The following ANXA9 variants were observed in gnomAD, a reference collection of about 807,000 sequenced individuals.
ANXA9 encodes the protein annexin 31.
A neutral mutation model predicts 51.8 loss-of-function variants in ANXA9; 47 were observed. The ratio of observed to expected loss-of-function variants is 0.91; its 90% CI spans 0.72 to 1.16. The LOEUF (loss-of-function observed/expected upper bound fraction) is 1.16, where lower values mean the gene tolerates loss of function less well. Ranked by LOEUF, ANXA9 falls within the 50% of genes most tolerant of loss-of-function variation. The pLI is 0.00. For missense variants in ANXA9, 361 were observed against 424.7 expected (o/e 0.85, Z 1.32); for synonymous variants, 154 against 168.7 (o/e 0.91, Z 0.68).
At chr1:150,992,950 C>T (rs79691949) in intron 12 of ANXA9, among the ~76,000 whole-genome samples, 1,701 of 152,248 alleles carry the variant, frequency 0.011, 21 homozygotes, top group African/African-American at 0.039. Context: ...ACTAATGATG[C>T]ATAAAAGTTA....
intron 9 of ANXA9, among the ~76,000 whole-genome samples, chr1:150,987,057 TA>T (rs1249470857): frequency 6.6e-6 from 1 of 151,770 alleles, no homozygotes; most frequent in East Asian, 1.9e-4. Flanking sequence ...AAACATAAGA[TA>T]AAAAAACATA....
intron 1 of ANXA9, 23 bp from the exon 2 acceptor site, chr1:150,982,464 G>C (rs1671432082): frequency 6.6e-6 from 1 of 152,344 alleles, no homozygotes; most frequent in Non-Finnish European, 1.5e-5. Flanking sequence ...TTTCCAACAT[G>C]AGAGTGCCTC....
At chr1:150,988,972 A>G (rs1308781118) in intron 12 of ANXA9, among the ~76,000 whole-genome samples, 1 of 145,710 alleles carries the variant, frequency 6.9e-6, no homozygotes, top group Non-Finnish European at 1.5e-5. Context: ...CATTATCCAT[A>G]CTTTTTTTTT....
chr1:150,990,583 A>G (rs1023192479), intron 12 of ANXA9, among the ~76,000 whole-genome samples: 7 of 152,206 alleles, frequency 4.6e-5, no homozygotes, highest in African/African-American at 1.7e-4. Flanking sequence ...GCTGTGGCGC[A>G]TGCCTGTAAT....
rs140995793 is a variant in ANXA9, at chr1:150,994,635, A to G, written c.911A>G (p.Asp304Gly). The G allele has an allele frequency of 8.5e-5, 138 of 1,614,062 alleles. 1 individual carries two copies. In the African/African-American group the frequency reaches 1.6e-3, roughly 19 times the overall value. ...IRILISRCET[D>G]LLSIRAEFRK... Reference sequence around the variant, plus strand: ...ATCCTTATCTCTCGATGTGAGACTGACCTTCTGAGTATCAGAGCTGAGTTC... The same window carrying G: ...ATCCTTATCTCTCGATGTGAGACTGGCCTTCTGAGTATCAGAGCTGAGTTC... The change falls in exon 13 of 14, where the codon GAC (aspartate) becomes GGC (glycine). Residue 304 changes from aspartate to glycine, a missense_variant. Coordinates refer to ENST00000368947, the MANE Select transcript of ANXA9 (RefSeq NM_003568.3).
chr1:150,990,920 G>A (rs587690627), intron 12 of ANXA9, among the ~76,000 whole-genome samples: 22 of 152,100 alleles, frequency 1.4e-4, no homozygotes, highest in African/African-American at 4.1e-4. Flanking sequence ...CAAGGCGGGC[G>A]GATCACGAGG....
At chr1:150,988,006 G>A (rs1047949180) in intron 10 of ANXA9, 50 bp downstream of exon 10, 1 of 1,613,624 alleles carries the variant, frequency 6.2e-7, no homozygotes, top group African/African-American at 1.3e-5. Flanking sequence ...GATCAGTTTG[G>A]GCTGAGGAAG....
At chr1:150,992,773 A>T (rs1671737660) in intron 12 of ANXA9, among the ~76,000 whole-genome samples, 1 of 152,202 alleles carries the variant, frequency 6.6e-6, no homozygotes, top group Non-Finnish European at 1.5e-5. Flanking sequence ...ACGCCACTGC[A>T]TTCCACTCTG....
upstream of ANXA9, among the ~76,000 whole-genome samples, chr1:150,977,851 A>G (rs879629912): frequency 6.6e-6 from 1 of 152,248 alleles, no homozygotes; most frequent in Non-Finnish European, 1.5e-5. Context: ...AAAGCAATGT[A>G]GGGACCAGGC....
chr1:150,986,744 C>T (rs1048616578), intron 9 of ANXA9, 83 bp downstream of exon 9: 34 of 1,400,148 alleles, frequency 2.4e-5, no homozygotes, highest in Admixed American at 4.8e-5. Flanking sequence ...CGGTGACCTA[C>T]GTGCCCATTT....
chr1:150,990,427 C>T (rs779755100), intron 12 of ANXA9, among the ~76,000 whole-genome samples: 2 of 151,832 alleles, frequency 1.3e-5, no homozygotes, highest in African/African-American at 2.4e-5. Flanking sequence ...AGTGCAGTGG[C>T]GTGATCTCAG....
Position 150,983,178 on chromosome 1 carries a change from A to G in ANXA9, c.73A>G (p.Lys25Glu). ...EILSHLGLAS[K>E]TAAWGTLGTL... ...CCTCAGCCACCTGGGCCTGGCCAGC[A>G]AGGTAGGGGCTGTTGGGATTTTAGA... Residue 25 changes from lysine (K) to glutamate (E), a missense_variant and splice_region_variant, in exon 3 of 14, where the codon AAG becomes GAG. Lys to Glu is a moderately conservative substitution (Grantham distance 56). Coordinates refer to ENST00000368947, the MANE Select transcript of ANXA9 (RefSeq NM_003568.3). 6.2e-7 allele frequency: 1 copy of G among 1,613,862 alleles called. No individual in the cohort carries two copies. The highest frequency in any genetic ancestry group is 8.5e-7 in the Non-Finnish European group (1 of 1,179,882).
intron 12 of ANXA9, 88 bp downstream of exon 12, chr1:150,988,429 A>G: frequency 1.3e-6 from 2 of 1,492,450 alleles, no homozygotes; most frequent in Admixed American, 1.7e-5. Context: ...ACCATCCTAT[A>G]TACACCGTCT....
At chr1:150,978,558 G>A (rs1348419871), upstream of ANXA9, among the ~76,000 whole-genome samples, 8 of 152,134 alleles carry the variant, frequency 5.3e-5, no homozygotes, top group African/African-American at 1.7e-4. Flanking sequence ...AATCTGCCTC[G>A]CCTGCATTGA....
intron 9 of ANXA9, 135 bp downstream of exon 9, chr1:150,986,796 T>TTC (rs1316228770): frequency 3.4e-6 from 3 of 871,146 alleles, no homozygotes; most frequent in Admixed American, 5.9e-5. Flanking sequence ...GAGTTCTCAG[T>TTC]TATGTGGTAG....
chr1:150,980,773 G>A (rs1174505401), upstream of ANXA9, among the ~76,000 whole-genome samples: 1 of 151,834 alleles, frequency 6.6e-6, no homozygotes, highest in Non-Finnish European at 1.5e-5. Context: ...TAGAGACGGG[G>A]TTTCACTGTG....
chr1:150,986,397 G>C lies in ANXA9; in HGVS notation c.534G>C (p.Leu178=). The C allele has an allele frequency of 6.2e-7, 1 of 1,614,140 alleles. No homozygotes were observed. The highest frequency in any genetic ancestry group is 1.7e-5 in the Admixed American group (1 of 60,014). The stretch of plus-strand genomic sequence containing the variant: ...AGACCAGTGGCATCTTGCAGGACCT[G>C]CTGTTGGCCCTGGCCAAGGTGAGGA... The part of the protein sequence containing the change: ...TSETSGILQD[L]LLALAKGGRD... The change falls in exon 8 of 14, where the codon CTG becomes CTC. Residue 178 remains leucine, a synonymous_variant. Coordinates refer to ENST00000368947, the MANE Select transcript of ANXA9 (RefSeq NM_003568.3).
chr1:150,978,605 T>C (rs587645220), upstream of ANXA9, among the ~76,000 whole-genome samples: 7 of 152,126 alleles, frequency 4.6e-5, no homozygotes, highest in East Asian at 1.2e-3. Flanking sequence ...CTGAGAAACA[T>C]GGATGCTAGT....
At chr1:150,992,971 G>T (rs1008308068) in intron 12 of ANXA9, among the ~76,000 whole-genome samples, 2 of 152,140 alleles carry the variant, frequency 1.3e-5, no homozygotes, top group South Asian at 4.1e-4. Flanking sequence ...AAATGAAGTA[G>T]ACATTAGGTC....
Sources: gnomAD v4.1 joint callset for allele counts (sites outside exome capture counted in the v4.1 genomes callset) on GRCh38, gnomAD v4.1.1 for gene constraint, MANE v1.5 for transcripts, NCBI Gene and HGNC (gene_info 2026-07-23, HGNC 2026-07-21) for gene names.